Variants in FLI1 observed in about 807,000 individuals in gnomAD.
The protein encoded by FLI1 is Friend leukemia integration 1 transcription factor.
In FLI1, 13 loss-of-function variants were observed where a neutral mutation model predicts 53.1. The ratio of observed to expected loss-of-function variants is 0.24; its 90% CI spans 0.16 to 0.39. FLI1 has a LOEUF of 0.39. Ranked by LOEUF, FLI1 falls within the 10% of genes least tolerant of loss-of-function variation. FLI1 has a pLI of 1.00. For synonymous variants in FLI1, 244 were observed against 236.7 expected (o/e 1.03, Z -0.28); for missense variants, 424 against 600.5 (o/e 0.71, Z 3.07).
At chr11:128,802,476 G>A (rs1244170403) in intron 5 of FLI1, among the ~76,000 whole-genome samples, 3 of 152,210 alleles carry the variant, frequency 2.0e-5, no homozygotes, top group African/African-American at 4.8e-5. Context: ...TGGGATGGAC[G>A]TTGGATGAAG....
chr11:128,695,091 C>T (rs1937993919), intron 1 of FLI1, among the ~76,000 whole-genome samples: 1 of 152,102 alleles, frequency 6.6e-6, no homozygotes, highest in South Asian at 2.1e-4. Flanking sequence ...CTGCGTCCTT[C>T]GGAGCCGCCT....
intron 1 of FLI1, among the ~76,000 whole-genome samples, chr11:128,739,542 C>T (rs1940045725): frequency 1.3e-5 from 2 of 152,148 alleles, no homozygotes; most frequent in Admixed American, 1.3e-4. Context: ...TCCTTTGGGT[C>T]TGCCCACTAC....
intron 5 of FLI1, among the ~76,000 whole-genome samples, chr11:128,800,899 A>G (rs1053103222): frequency 4.6e-5 from 7 of 152,210 alleles, no homozygotes. Flanking sequence ...CACTCTTCTG[A>G]AAAGGAATCA....
chr11:128,691,830 A>C (rs1042464662), upstream of FLI1: 2 of 152,308 alleles, frequency 1.3e-5, no homozygotes, highest in Non-Finnish European at 2.9e-5. Context: ...TTGCCAGACC[A>C]ACAGGAGTTG....
chr11:128,730,759 T>C (rs1486163419), intron 1 of FLI1, among the ~76,000 whole-genome samples: 1 of 152,226 alleles, frequency 6.6e-6, no homozygotes, highest in Non-Finnish European at 1.5e-5. Context: ...CAAAGACTAA[T>C]TAATGATTTT....
chr11:128,806,261 G>T (rs1191044362), intron 6 of FLI1: 2 of 152,148 alleles, frequency 1.3e-5, no homozygotes, highest in Admixed American at 1.3e-4. Flanking sequence ...GACATGCACT[G>T]GTCCCATAAG....
chr11:128,764,271 C>CT (rs1199325451), intron 2 of FLI1, among the ~76,000 whole-genome samples: 1 of 152,148 alleles, frequency 6.6e-6, no homozygotes, highest in East Asian at 1.9e-4. Flanking sequence ...CATTGCAAAG[C>CT]TTTTTTTGGA....
In FLI1 at chr11:128,810,499, G is replaced by C. The variant is rs766821081; in HGVS notation, c.870G>C (p.Leu290=). ...AGCTGTGGCAATTCCTCCTGGAGCT[G>C]CTCTCCGACAGCGCCAACGCCAGCT... ...QIQLWQFLLE[L]LSDSANASCI... is the part of the protein sequence containing the mutation. The change falls in exon 9 of 9, where the codon CTG becomes CTC. Residue 290 remains leucine, a synonymous_variant. Coordinates refer to ENST00000527786, the MANE Select transcript of FLI1 (RefSeq NM_002017.5). This position sits in a 1 kb window ranked among gnomAD's most constrained non-coding sequence, Gnocchi z 6.6. 3.1e-6 allele frequency: 5 copies of C among 1,604,722 alleles called. No individual in the cohort carries two copies. The Admixed American group carries it at 6.8e-5, about 22-fold the overall frequency.
chr11:128,741,243 A>C (rs1384699107), intron 1 of FLI1, among the ~76,000 whole-genome samples: 1 of 152,100 alleles, frequency 6.6e-6, no homozygotes, highest in African/African-American at 2.4e-5. Context: ...AAATACAAAA[A>C]TTAGCCAGGT....
chr11:128,791,842 G>A (rs1034452247), intron 5 of FLI1, among the ~76,000 whole-genome samples: 2 of 152,066 alleles, frequency 1.3e-5, no homozygotes, highest in African/African-American at 2.4e-5. Context: ...CCCCTTCTTG[G>A]CCCAACCACC....
chr11:128,808,397 A>G (rs1942844051), intron 7 of FLI1, among the ~76,000 whole-genome samples: 1 of 152,230 alleles, frequency 6.6e-6, no homozygotes, highest in African/African-American at 2.4e-5. Flanking sequence ...ACAAAAAAGG[A>G]GATAAACCTC....
intron 3 of FLI1, among the ~76,000 whole-genome samples, chr11:128,771,948 T>A (rs1192760483): frequency 6.6e-6 from 1 of 152,138 alleles, no homozygotes; most frequent in Non-Finnish European, 1.5e-5. Context: ...GGCTTCAGAC[T>A]GTGATGAGTG....
intron 1 of FLI1, among the ~76,000 whole-genome samples, chr11:128,699,322 A>C (rs1219661433): frequency 6.6e-6 from 1 of 152,234 alleles, no homozygotes; most frequent in Non-Finnish European, 1.5e-5. Context: ...AGCCAAAAAA[A>C]TAGAAAGAAA....
Position 128,773,031 on chromosome 11 carries a change from G to T in FLI1, c.589+46G>T, listed in dbSNP as rs371652857. 22 of 1,567,118 alleles carry T rather than the reference G, an allele frequency of 1.4e-5. No individual in the cohort carries two copies. In the African/African-American group the frequency reaches 2.2e-4, roughly 15 times the overall value. On this transcript the variant is annotated intron_variant, in intron 4 of 8. Coordinates refer to ENST00000527786, the MANE Select transcript of FLI1 (RefSeq NM_002017.5). ...CAGGGCTGGGAGGAAGCTTGGCATG[G>T]AGCCAACCCAGGGAGAGGAAGTCAG...
At chr11:128,773,012 TG>T in intron 4 of FLI1, 27 bp downstream of exon 4, 1 of 1,604,648 alleles carries the variant, frequency 6.2e-7, no homozygotes, top group Non-Finnish European at 8.5e-7. Context: ...TACCCAGGGC[TG>T]GGAGGAAGCT....
chr11:128,797,343 A>G (rs994957280), intron 5 of FLI1, among the ~76,000 whole-genome samples: 1 of 152,266 alleles, frequency 6.6e-6, no homozygotes, highest in South Asian at 2.1e-4. Flanking sequence ...ACTCTCATGC[A>G]TAAAAAACTA....
At position 128,811,349 on chromosome 11, in the gene FLI1, C is replaced by T. The variant is rs534300746; in HGVS notation, c.*361C>T. 8.2e-6 allele frequency: 3 copies of T among 367,204 alleles called. No homozygotes were observed. Among genetic ancestry groups the T allele is most frequent in the Middle Eastern group, 7.7e-4 (1 of 1,296 alleles). 22.7% of individuals were successfully genotyped at this position (367,204 alleles called of 1,614,324 possible). ...TGACCAAAGCAGTTTCTTGTCAATA[C>T]ACGGGGTTCAGTATGACACAGAATC... On this transcript the variant is annotated 3_prime_UTR_variant, in exon 9 of 9. Transcript: ENST00000527786.
In FLI1 at chr11:128,715,349, G is replaced by A. The variant is rs540502808; in HGVS notation, c.18+21073G>A. 8.5e-4 allele frequency among the ~76,000 whole-genome samples: 130 copies of A among 152,140 alleles called. 1 individual carries two copies. The highest frequency in any genetic ancestry group is 1.3e-4 in the Non-Finnish European group (9 of 68,020). On this transcript the variant is annotated intron_variant, in intron 1 of 8. Coordinates refer to ENST00000527786, the MANE Select transcript of FLI1 (RefSeq NM_002017.5). ...ACATGCCTCCACCCCTTTTCCTAAC[G>A]TATTGCTTGCCTGTTGTTTAAAGAA...
Position 128,781,983 on chromosome 11 carries a change from C to T in FLI1, c.615C>T (p.Thr205=), listed in dbSNP as rs777583857. The part of the protein sequence containing the change: ...RESSLLAYNT[T]SHTDQSSRLS... The stretch of plus-strand genomic sequence containing the variant: ...GTTCACTGCTGGCCTATAATACAAC[C>T]TCCCACACCGACCAATCCTCACGAT... The change falls in exon 5 of 9, where the codon ACC becomes ACT. Residue 205 remains threonine, a synonymous_variant. Coordinates refer to ENST00000527786, the MANE Select transcript of FLI1 (RefSeq NM_002017.5). 4 of 1,613,894 alleles carry T rather than the reference C, an allele frequency of 2.5e-6. No homozygotes were observed. Among genetic ancestry groups the T allele is most frequent in the Non-Finnish European group, 3.4e-6 (4 of 1,179,820 alleles).
Sources: allele counts gnomAD v4.1 joint callset (sites outside exome capture counted in the v4.1 genomes callset), GRCh38; gene constraint gnomAD v4.1.1; non-coding constraint Gnocchi (gnomAD v3.1); transcripts MANE v1.5; gene names NCBI Gene and HGNC (gene_info 2026-07-23, HGNC 2026-07-21).